The following DIAPH3 variants were observed in gnomAD, a reference collection of about 807,000 sequenced individuals.
DIAPH3 encodes the protein diaphanous related formin 3.
Under a neutral mutation model 144.3 loss-of-function variants are expected in DIAPH3, and 117 were observed. The ratio of observed to expected loss-of-function variants is 0.81; its 90% CI spans 0.70 to 0.95. DIAPH3 has a LOEUF of 0.95. Ranked by LOEUF, DIAPH3 falls within the 40% of genes least tolerant of loss-of-function variation. DIAPH3 has a pLI of 0.00. For synonymous variants in DIAPH3, 519 were observed against 488.9 expected (o/e 1.06, Z -0.81); for missense variants, 1,421 against 1,412.7 (o/e 1.01, Z -0.09).
chr13:60,075,082 T>C (rs1161789813), intron 4 of DIAPH3, among the ~76,000 whole-genome samples: 2 of 152,206 alleles, frequency 1.3e-5, no homozygotes, highest in African/African-American at 4.8e-5. Context: ...TGCATTGATA[T>C]ATATTTCTAT....
chr13:60,001,564 T>C (rs339538), intron 9 of DIAPH3, among the ~76,000 whole-genome samples: 98,904 of 152,148 alleles, frequency 0.65, 32,754 homozygotes, highest in African/African-American at 0.73. Context: ...TGTAGTCCCT[T>C]AACTAATAAA....
At chr13:59,889,453 T>C (rs747943971) in intron 20 of DIAPH3, among the ~76,000 whole-genome samples, 9 of 151,706 alleles carry the variant, frequency 5.9e-5, no homozygotes, top group Non-Finnish European at 1.3e-4. Context: ...TATATAGCAA[T>C]TTTTTTTATA....
chr13:60,162,801 T>TCG (rs1030049817), intron 1 of DIAPH3, among the ~76,000 whole-genome samples: 2 of 138,806 alleles, frequency 1.4e-5, no homozygotes, highest in Non-Finnish European at 3.2e-5. Flanking sequence ...TCTCTCTCTC[T>TCG]CTCTCTCTCA....
chr13:59,687,196 C>G (rs868223667), intron 27 of DIAPH3, among the ~76,000 whole-genome samples: 17 of 152,114 alleles, frequency 1.1e-4, no homozygotes, highest in Middle Eastern at 3.4e-3. Context: ...ATGGTAATAC[C>G]ACAGCATCTG....
At chr13:59,854,976 C>A (rs779795484) in intron 22 of DIAPH3, among the ~76,000 whole-genome samples, 1 of 152,218 alleles carries the variant, frequency 6.6e-6, no homozygotes, top group African/African-American at 2.4e-5. Flanking sequence ...GTTCCTAGCT[C>A]AGTATCTCAA....
In DIAPH3 at chr13:59,713,020, C is replaced by T. The variant is rs183067507; in HGVS notation, c.3320-46174G>A. 4.6e-5 allele frequency among the ~76,000 whole-genome samples: 7 copies of T among 152,212 alleles called. No homozygotes were observed. The East Asian group carries it at 1.2e-3, about 25-fold the overall frequency. ...TGCTCCTATGAGAATCTAATGCTGCCGCTGATCTGACAGGAGGCGGAGCTC... is the reference window on the plus strand; with the variant it reads ...TGCTCCTATGAGAATCTAATGCTGCTGCTGATCTGACAGGAGGCGGAGCTC... On this transcript the variant is annotated intron_variant, in intron 27 of 27. Coordinates refer to ENST00000400324, the MANE Select transcript of DIAPH3 (RefSeq NM_001042517.2).
intron 20 of DIAPH3, among the ~76,000 whole-genome samples, chr13:59,889,266 T>C (rs913661484): frequency 6.6e-6 from 1 of 152,080 alleles, no homozygotes; most frequent in African/African-American, 2.4e-5. Flanking sequence ...GAATGATATC[T>C]ACCCAATAAT....
intron 2 of DIAPH3, among the ~76,000 whole-genome samples, chr13:60,114,660 C>T: frequency 6.6e-6 from 1 of 151,634 alleles, no homozygotes; most frequent in African/African-American, 2.4e-5. Context: ...CACACACACA[C>T]ACACACACAC....
intron 27 of DIAPH3, among the ~76,000 whole-genome samples, chr13:59,688,413 C>A (rs2033329465): frequency 6.6e-6 from 1 of 151,782 alleles, no homozygotes; most frequent in African/African-American, 2.4e-5. Flanking sequence ...CTGAAAAGGT[C>A]AAAAAGTGGA....
Position 59,983,764 on chromosome 13 carries a change from C to A in DIAPH3, c.1480+5G>T. 6.5e-7 allele frequency: 1 copy of A among 1,530,338 alleles called. No individual in the cohort carries two copies. The highest frequency in any genetic ancestry group is 9.0e-7 in the Non-Finnish European group (1 of 1,105,916). The allele number at this position is 1,530,338 out of a possible 1,614,324, so 94.8% of individuals were successfully genotyped here. On this transcript the variant is annotated splice_donor_5th_base_variant and intron_variant, in intron 13 of 27. Coordinates refer to ENST00000400324, the MANE Select transcript of DIAPH3 (RefSeq NM_001042517.2). ...GATATTTCTATTTAAATAATAAATA[C>A]TCACCTACAAACTGGGTTAAATCTA...
At chr13:59,881,381 G>A (rs1388447748) in intron 20 of DIAPH3, among the ~76,000 whole-genome samples, 2 of 152,048 alleles carry the variant, frequency 1.3e-5, no homozygotes. Context: ...TTTTCAGTAA[G>A]TGCCATTATT....
chr13:60,008,540 T>C lies in DIAPH3; in HGVS notation c.1014+4A>G, dbSNP rs372847357. 9.3e-6 allele frequency: 15 copies of C among 1,604,790 alleles called. No homozygotes were observed. The highest frequency in any genetic ancestry group is 1.2e-5 in the Non-Finnish European group (14 of 1,172,648). On this transcript the variant is annotated splice_donor_region_variant and intron_variant, in intron 9 of 27. Transcript: ENST00000400324. ...AACAGATTTTATATACACACAAAAC[T>C]TACTTGCAGTTGAACTGAATTGTGC...
intron 17 of DIAPH3, among the ~76,000 whole-genome samples, chr13:59,925,666 G>A (rs1006397851): frequency 6.6e-6 from 1 of 152,134 alleles, no homozygotes; most frequent in Non-Finnish European, 1.5e-5. Context: ...GAATTCAACA[G>A]TGAAGCCATC....
In DIAPH3 at chr13:59,671,995, ACT is replaced by A. The variant is rs1363759027; in HGVS notation, c.3320-5151_3320-5150del. On this transcript the variant is annotated intron_variant, in intron 27 of 27. Coordinates refer to ENST00000400324, the MANE Select transcript of DIAPH3 (RefSeq NM_001042517.2). Reference sequence around the variant, plus strand: ...TCATTCATCCTGTGCTAATATTTCCACTGTTTCTTGAGAAACACAAAAGACAC... The same window carrying A: ...TCATTCATCCTGTGCTAATATTTCCAGTTTCTTGAGAAACACAAAAGACAC... Among the ~76,000 whole-genome samples the A allele has an allele frequency of 2.0e-5, 3 of 152,328 alleles. No homozygotes were observed. In the South Asian group the frequency reaches 6.2e-4, roughly 32 times the overall value.
In DIAPH3 at chr13:60,042,733, A is replaced by T. The variant is rs756116902; in HGVS notation, c.583T>A (p.Cys195Ser). 6.2e-6 allele frequency: 10 copies of T among 1,613,790 alleles called. No homozygotes were observed. The highest frequency in any genetic ancestry group is 1.3e-5 in the African/African-American group (1 of 75,058). ...MGSADERLVT[C>S]LESLRVSLTS... ...AAAGACACTCGGAGAGACTCCAGGC[A>T]TGTGACAAGTCTCTCATCTGCAGAC... Residue 195 changes from cysteine (C) to serine (S), a missense_variant, in exon 5 of 28, where the codon TGC (cysteine) becomes AGC (serine). By Grantham distance (112) the Cys-to-Ser change is moderately radical. Transcript: ENST00000400324.
intron 27 of DIAPH3, among the ~76,000 whole-genome samples, chr13:59,737,776 T>C (rs780418634): frequency 3.3e-5 from 5 of 152,204 alleles, no homozygotes; most frequent in Non-Finnish European, 5.9e-5. Flanking sequence ...CTGGCCATTA[T>C]AGTAGTTGCT....
chr13:59,795,454 T>C (rs991568065), intron 25 of DIAPH3, among the ~76,000 whole-genome samples: 1 of 147,286 alleles, frequency 6.8e-6, no homozygotes, highest in Admixed American at 6.9e-5. Context: ...ATTCTCTCTC[T>C]CTTTTTTTTT....
chr13:60,040,226 CAAAAAAAA>C (rs5803983), intron 5 of DIAPH3, among the ~76,000 whole-genome samples: 1 of 34,834 alleles, frequency 2.9e-5, no homozygotes, highest in Admixed American at 4.7e-4. Context: ...GACTCCATCT[CAAAAAAAA>C]AAAAAAAAAA....
intron 25 of DIAPH3, among the ~76,000 whole-genome samples, chr13:59,785,199 G>A (rs548371627): frequency 9.6e-4 from 146 of 152,206 alleles, no homozygotes; most frequent in South Asian, 3.5e-3. Context: ...TCAACCACAA[G>A]AAGTGGAATT....
Sources: gnomAD v4.1 joint callset for allele counts (sites outside exome capture counted in the v4.1 genomes callset) on GRCh38, gnomAD v4.1.1 for gene constraint, MANE v1.5 for transcripts, NCBI Gene and HGNC (gene_info 2026-07-23, HGNC 2026-07-21) for gene names.